MLXIP: variants seen among roughly 807,000 people sequenced by gnomAD.
The protein encoded by MLXIP is MLX-interacting protein.
Under a neutral mutation model 87.2 loss-of-function variants are expected in MLXIP, and 30 were observed. That is an observed-to-expected ratio of 0.34 (90% CI 0.26 to 0.47). The LOEUF is 0.47. MLXIP is among the 20% of genes least tolerant of loss of function. The pLI, the probability that MLXIP is intolerant of heterozygous loss-of-function variation, is 1.00. For synonymous variants in MLXIP, 530 were observed against 514.0 expected (o/e 1.03, Z -0.42); for missense variants, 1,002 against 1,240.1 (o/e 0.81, Z 2.88).
chr12:122,082,297 A>G (rs961068973), intron 1 of MLXIP, among the ~76,000 whole-genome samples: 1 of 152,166 alleles, frequency 6.6e-6, no homozygotes, highest in African/African-American at 2.4e-5. Flanking sequence ...CATGTGCTCA[A>G]TTATTGGGAC....
rs745646278 is a variant in MLXIP, at chr12:122,138,421, C to T, written c.2257-3C>T. On this transcript the variant is annotated splice_region_variant and splice_polypyrimidine_tract_variant and intron_variant, in intron 13 of 16. Coordinates refer to ENST00000319080, the MANE Select transcript of MLXIP (RefSeq NM_014938.6). ...TGCCTCCAGCCACCTGCCCCTTCTG[C>T]AGACCAGTCACGCCATCACACTGCA... is the stretch of plus-strand genomic sequence containing the variant. The T allele has an allele frequency of 4.3e-6, 7 of 1,613,456 alleles. No homozygotes were observed. In the South Asian group the frequency reaches 6.6e-5, roughly 15 times the overall value.
At chr12:122,123,029 C>T (rs1827515856) in intron 1 of MLXIP, among the ~76,000 whole-genome samples, 2 of 152,066 alleles carry the variant, frequency 1.3e-5, no homozygotes. Flanking sequence ...CCTGAGTACC[C>T]TGTGAAGAAG....
At chr12:122,083,375 A>G (rs763111935) in intron 1 of MLXIP, among the ~76,000 whole-genome samples, 17 of 152,070 alleles carry the variant, frequency 1.1e-4, no homozygotes, top group Non-Finnish European at 2.2e-4. Context: ...AAGTTTCTAA[A>G]AAGTGGCCCC....
At chr12:122,079,292 G>GC in intron 1 of MLXIP, 26 bp downstream of exon 1, 1 of 1,541,346 alleles carries the variant, frequency 6.5e-7, no homozygotes. Context: ...ACCCCCTGAG[G>GC]CCCCGGCCGG....
chr12:122,113,928 G>T (rs188546829), intron 1 of MLXIP, among the ~76,000 whole-genome samples: 5 of 147,712 alleles, frequency 3.4e-5, no homozygotes, highest in Non-Finnish European at 7.4e-5. Flanking sequence ...CTCGTGATCC[G>T]CCCGCCTCGG....
At chr12:122,080,438 CAGGTTT>C (rs1288079570) in intron 1 of MLXIP, among the ~76,000 whole-genome samples, 1 of 152,190 alleles carries the variant, frequency 6.6e-6, no homozygotes, top group Admixed American at 6.5e-5. Context: ...CAAGCATATC[CAGGTTT>C]AAATGTTATG....
At position 122,135,256 on chromosome 12, in the gene MLXIP, A is replaced by G; in HGVS notation, c.1765A>G (p.Met589Val). Residue 589 changes from methionine to valine, a missense_variant, in exon 10 of 17, where the codon ATG becomes GTG. Coordinates refer to ENST00000319080, the MANE Select transcript of MLXIP (RefSeq NM_014938.6). This position sits in a 1 kb window ranked among gnomAD's most constrained non-coding sequence, Gnocchi z 5.3. ...TTCAGGCCAACCACAAGCGGTGATCATGACGTCAGGGCCTCTGAAGAGAGA... is the reference window on the plus strand; with the variant it reads ...TTCAGGCCAACCACAAGCGGTGATCGTGACGTCAGGGCCTCTGAAGAGAGA... ...AFSGQPQAVI[M>V]TSGPLKREGM... 6.2e-7 allele frequency: 1 copy of G among 1,613,550 alleles called. No individual in the cohort carries two copies. The highest frequency in any genetic ancestry group is 8.5e-7 in the Non-Finnish European group (1 of 1,179,828).
intron 1 of MLXIP, among the ~76,000 whole-genome samples, chr12:122,087,312 G>T (rs964502767): frequency 2.0e-5 from 3 of 152,188 alleles, no homozygotes; most frequent in Non-Finnish European, 4.4e-5. Context: ...CCATGCTAGT[G>T]GGGGGATTGT....
At position 122,135,167 on chromosome 12, in the gene MLXIP, G is replaced by C. The variant is rs756400558; in HGVS notation, c.1733-57G>C. On this transcript the variant is annotated intron_variant, in intron 9 of 16. Coordinates refer to ENST00000319080, the MANE Select transcript of MLXIP (RefSeq NM_014938.6). The surrounding 1 kb of genome is among the most constrained non-coding windows in gnomAD (Gnocchi z 5.3). Reference sequence around the variant, plus strand: ...ACTGGCAGAGAGGCAGCCTCTGCAGGGTGGGCCAGGCCCTGTGGCCCAGGG... The same window carrying C: ...ACTGGCAGAGAGGCAGCCTCTGCAGCGTGGGCCAGGCCCTGTGGCCCAGGG... The C allele has an allele frequency of 6.3e-7, 1 of 1,596,778 alleles. No individual in the cohort carries two copies. The highest frequency in any genetic ancestry group is 1.7e-5 in the Admixed American group (1 of 57,474).
At position 122,107,219 on chromosome 12, in the gene MLXIP, G is replaced by A. The variant is rs1952535054; in HGVS notation, c.414-20037G>A. On this transcript the variant is annotated intron_variant, in intron 1 of 16. Transcript: ENST00000319080. The stretch of plus-strand genomic sequence containing the variant: ...CATTTCCTCGTGGCGGGAGCTGGGG[G>A]TTCAGGTGACAGGACAGCTGTGAAA... 2.0e-5 allele frequency among the ~76,000 whole-genome samples: 3 copies of A among 152,112 alleles called. No homozygotes were observed. In the South Asian group the frequency reaches 6.2e-4, roughly 31 times the overall value.
intron 1 of MLXIP, among the ~76,000 whole-genome samples, chr12:122,092,807 T>TA (rs1331289861): frequency 6.6e-6 from 1 of 152,196 alleles, no homozygotes; most frequent in African/African-American, 2.4e-5. Flanking sequence ...AACATTAAGT[T>TA]AGACTGAGGA....
At chr12:122,084,580 C>T (rs1421410420) in intron 1 of MLXIP, among the ~76,000 whole-genome samples, 3 of 152,118 alleles carry the variant, frequency 2.0e-5, no homozygotes, top group African/African-American at 7.2e-5. Context: ...GAGTTTCGCT[C>T]TTGTCACCCA....
chr12:122,117,603 G>T (rs775493726), intron 1 of MLXIP, among the ~76,000 whole-genome samples: 11 of 152,230 alleles, frequency 7.2e-5, no homozygotes, highest in Non-Finnish European at 1.5e-4. Flanking sequence ...TTTTTGTGAT[G>T]AATTGCCTTC....
At chr12:122,114,761 G>T (rs923968032) in intron 1 of MLXIP, among the ~76,000 whole-genome samples, 3 of 147,150 alleles carry the variant, frequency 2.0e-5, no homozygotes, top group South Asian at 2.2e-4. Context: ...TTTTTGGTGG[G>T]GGGGGACAGG....
intron 1 of MLXIP, among the ~76,000 whole-genome samples, chr12:122,086,488 A>C (rs1030761327): frequency 6.6e-6 from 1 of 152,142 alleles, no homozygotes; most frequent in Non-Finnish European, 1.5e-5. Flanking sequence ...TAGAAAGTTA[A>C]TTTTCCTTTT....
chr12:122,121,010 G>GTTTTTTTTTTTGTTTTTTTT, intron 1 of MLXIP, among the ~76,000 whole-genome samples: 1 of 111,910 alleles, frequency 8.9e-6, no homozygotes, highest in Admixed American at 1.0e-4. Context: ...TGCATGCTTG[G>GTTTTTTTTTTTGTTTTTTTT]TTTTTTTTTT....
chr12:122,095,947 C>T (rs1318010614), intron 1 of MLXIP, among the ~76,000 whole-genome samples: 1 of 152,058 alleles, frequency 6.6e-6, no homozygotes, highest in Non-Finnish European at 1.5e-5. Context: ...TCACTGCAAC[C>T]TCCGCCTCCC....
chr12:122,112,968 A>G (rs1283663663), intron 1 of MLXIP, among the ~76,000 whole-genome samples: 2 of 110,880 alleles, frequency 1.8e-5, no homozygotes, highest in East Asian at 5.2e-4. Flanking sequence ...AAAAAACAGA[A>G]GCATAAAAAA....
At chr12:122,130,798 A>G (rs765779065) in intron 6 of MLXIP, 46 bp from the exon 7 acceptor site, 2 of 1,386,072 alleles carry the variant, frequency 1.4e-6, no homozygotes, top group Non-Finnish European at 1.0e-6. Flanking sequence ...TTCCTGCAAC[A>G]TTGTCTGAGA....
Sources: gnomAD v4.1 joint callset for allele counts (sites outside exome capture counted in the v4.1 genomes callset) on GRCh38, gnomAD v4.1.1 for gene constraint, Gnocchi (gnomAD v3.1) non-coding constraint, MANE v1.5 for transcripts, NCBI Gene and HGNC (gene_info 2026-07-23, HGNC 2026-07-21) for gene names.